MAD1L1: variants seen among roughly 807,000 people sequenced by gnomAD.
MAD1L1 encodes the protein mitotic arrest deficient 1 like 1.
A neutral mutation model predicts 96.9 loss-of-function variants in MAD1L1; 95 were observed. That is an observed-to-expected ratio of 0.98 (90% confidence interval 0.83 to 1.16). The LOEUF (loss-of-function observed/expected upper bound fraction) is 1.16. Ranked by LOEUF, MAD1L1 falls within the 50% of genes most tolerant of loss-of-function variation. The probability of loss-of-function intolerance (pLI) is 0.00; values close to 1 mark genes in which losing one functional copy is unlikely to be tolerated. For synonymous variants in MAD1L1, 473 were observed against 396.6 expected, an observed-to-expected ratio of 1.19 and a Z score of -2.29; for missense variants, 1,007 against 954.4, an observed-to-expected ratio of 1.06 and a Z score of -0.73.
chr7:2,047,468 G>A (rs1783976298), intron 12 of MAD1L1, among the ~76,000 whole-genome samples: 1 of 152,176 alleles, frequency 6.6e-6, no homozygotes, highest in Non-Finnish European at 1.5e-5. Flanking sequence ...TCCATTTGAT[G>A]ATGGATGATG....
chr7:1,851,073 G>T (rs1317504418), intron 18 of MAD1L1, among the ~76,000 whole-genome samples: 1 of 152,258 alleles, frequency 6.6e-6, no homozygotes, highest in African/African-American at 2.4e-5. Context: ...AGGGAGGGCA[G>T]GAAGTAAGCC....
At chr7:2,105,099 TGCCGGGAAGAAACTG>T (rs1463858292) in intron 11 of MAD1L1, among the ~76,000 whole-genome samples, 3 of 152,128 alleles carry the variant, frequency 2.0e-5, no homozygotes, top group African/African-American at 7.2e-5. Context: ...AAAAGAGGTC[TGCCGGGAAGAAACTG>T]GCTGTGCCTC....
chr7:1,936,880 G>T lies in MAD1L1; in HGVS notation c.1614C>A (p.Ser538Arg). The T allele has an allele frequency of 6.3e-7, 1 of 1,599,896 alleles. No individual in the cohort carries two copies. ...GGCTCATGTGCAGCACTTTGGTCCT[G>T]CTCTGGTCATAGTCACCCTGCAGGA... ...RRALQGDYDQ[S>R]RTKVLHMSLN... is the part of the protein sequence containing the mutation. The change falls in exon 17 of 19, where the codon AGC (serine) becomes AGA (arginine). Residue 538 changes from serine (S) to arginine (R), a missense_variant. Physicochemically the swap from Ser to Arg is moderately radical, Grantham distance 110. Coordinates refer to ENST00000265854, the MANE Select transcript of MAD1L1 (RefSeq NM_001013836.2).
chr7:2,060,301 C>A (rs973853576), intron 12 of MAD1L1, among the ~76,000 whole-genome samples: 1 of 147,080 alleles, frequency 6.8e-6, no homozygotes, highest in South Asian at 2.3e-4. Flanking sequence ...CGAGATACGC[C>A]GATCCCGAGA....
chr7:2,212,033 A>T (rs1183189146), intron 10 of MAD1L1, among the ~76,000 whole-genome samples: 1 of 152,206 alleles, frequency 6.6e-6, no homozygotes, highest in Non-Finnish European at 1.5e-5. Context: ...CACCTCCTCG[A>T]GACCTGGCGC....
chr7:1,889,158 A>G (rs1427787644), intron 18 of MAD1L1, among the ~76,000 whole-genome samples: 3 of 152,192 alleles, frequency 2.0e-5, no homozygotes, highest in African/African-American at 7.2e-5. Flanking sequence ...AGGCTTGAGG[A>G]GGTGAAGCCA....
At chr7:2,070,568 AT>A (rs1248516074) in intron 11 of MAD1L1, among the ~76,000 whole-genome samples, 3 of 152,234 alleles carry the variant, frequency 2.0e-5, no homozygotes, top group African/African-American at 7.2e-5. Context: ...GGGAGGGCCC[AT>A]CCCTACTCAG....
intron 11 of MAD1L1, among the ~76,000 whole-genome samples, chr7:2,147,061 C>G (rs959442543): frequency 2.0e-5 from 3 of 152,202 alleles, no homozygotes; most frequent in African/African-American, 7.2e-5. Context: ...AAGCCTTGGT[C>G]GGGAAGTGTC....
intron 15 of MAD1L1, among the ~76,000 whole-genome samples, chr7:1,965,679 C>T (rs1330452182): frequency 6.6e-6 from 1 of 152,158 alleles, no homozygotes; most frequent in African/African-American, 2.4e-5. Context: ...GCCCACAGGG[C>T]TGCAGTGGCG....
chr7:1,976,818 G>T (rs1416843443), intron 15 of MAD1L1, among the ~76,000 whole-genome samples: 1 of 152,130 alleles, frequency 6.6e-6, no homozygotes, highest in Non-Finnish European at 1.5e-5. Flanking sequence ...GCTGACTGGT[G>T]AATTTACGAA....
intron 10 of MAD1L1, among the ~76,000 whole-genome samples, chr7:2,210,901 C>T (rs1379236364): frequency 7.2e-5 from 11 of 152,224 alleles, no homozygotes. Context: ...CTCACAGGGC[C>T]CTCCACAAGT....
chr7:1,922,941 C>A (rs1319492198), intron 17 of MAD1L1, among the ~76,000 whole-genome samples: 1 of 152,228 alleles, frequency 6.6e-6, no homozygotes, highest in African/African-American at 2.4e-5. Flanking sequence ...ACCAACCCAG[C>A]CTTGCACTCT....
intron 16 of MAD1L1, among the ~76,000 whole-genome samples, chr7:1,942,017 G>A (rs748886926): frequency 1.6e-4 from 24 of 152,264 alleles, no homozygotes; most frequent in Admixed American, 3.3e-4. Flanking sequence ...CCACCCACCC[G>A]CTCACGTCCC....
At chr7:1,915,192 A>G (rs1375415020) in intron 17 of MAD1L1, among the ~76,000 whole-genome samples, 1 of 152,168 alleles carries the variant, frequency 6.6e-6, no homozygotes, top group Non-Finnish European at 1.5e-5. Context: ...GTATGGAGAG[A>G]TGAACCCCCT....
At chr7:2,101,517 G>A (rs949122487) in intron 11 of MAD1L1, among the ~76,000 whole-genome samples, 4 of 143,550 alleles carry the variant, frequency 2.8e-5, no homozygotes, top group African/African-American at 1.1e-4. Flanking sequence ...CATGAGACTG[G>A]GGCTCCACTC....
chr7:1,910,504 G>A (rs1037874358), intron 17 of MAD1L1, among the ~76,000 whole-genome samples: 2 of 152,246 alleles, frequency 1.3e-5, no homozygotes, highest in African/African-American at 2.4e-5. Context: ...GCCAAAGCTG[G>A]AGCCCACGCT....
intron 12 of MAD1L1, among the ~76,000 whole-genome samples, chr7:2,015,653 C>T (rs1349122786): frequency 6.6e-6 from 1 of 152,236 alleles, no homozygotes; most frequent in Non-Finnish European, 1.5e-5. Context: ...GTCTCAGACG[C>T]TGAGTCTGGA....
chr7:1,945,875 G>A (rs1264811088), intron 16 of MAD1L1, among the ~76,000 whole-genome samples: 2 of 152,168 alleles, frequency 1.3e-5, no homozygotes. Context: ...GGCAGGAGGT[G>A]GTCCAGGGGC....
intron 18 of MAD1L1, among the ~76,000 whole-genome samples, chr7:1,837,051 C>T (rs1183259947): frequency 6.6e-6 from 1 of 152,114 alleles, no homozygotes; most frequent in Non-Finnish European, 1.5e-5. Context: ...AAGGAGAGAA[C>T]ACCAGCAATG....
Sources: allele counts gnomAD v4.1 joint callset (sites outside exome capture counted in the v4.1 genomes callset), GRCh38; gene constraint gnomAD v4.1.1; transcripts MANE v1.5; gene names NCBI Gene and HGNC (gene_info 2026-07-23, HGNC 2026-07-21).